Variants in BICRA observed in about 807,000 individuals in gnomAD.
The protein encoded by BICRA is BRD4-interacting chromatin-remodeling complex-associated protein.
Under a neutral mutation model 96.9 loss-of-function variants are expected in BICRA, and 31 were observed. That is an observed-to-expected ratio of 0.32 (90% CI 0.24 to 0.43). BICRA has a LOEUF of 0.43. Among genes scored for constraint, BICRA ranks in the 20% least tolerant of loss-of-function variants. BICRA has a pLI of 1.00. For missense variants in BICRA, 2,283 were observed against 2,190.3 expected (o/e 1.04, Z -0.84); for synonymous variants, 1,350 against 1,071.8 (o/e 1.26, Z -5.07).
intron 1 of BICRA, among the ~76,000 whole-genome samples, chr19:47,620,959 T>G (rs1972057032): frequency 6.6e-6 from 1 of 152,130 alleles, no homozygotes; most frequent in Non-Finnish European, 1.5e-5. Context: ...GATCTCTGTC[T>G]ACGGCCATTG....
rs540732449 is a variant in BICRA, at chr19:47,702,409, C to A, written c.4677C>A (p.Thr1559=). Residue 1559 remains threonine (T), a synonymous_variant, in exon 15 of 15, where the codon ACC becomes ACA. Coordinates refer to ENST00000594866, the MANE Select transcript of BICRA (RefSeq NM_001394372.1). ...GTGGCCTCGGCGCCAGGACGTTGACCAGATAACACCGGGCCGCCTCCCCTT... is the reference window on the plus strand; with the variant it reads ...GTGGCCTCGGCGCCAGGACGTTGACAAGATAACACCGGGCCGCCTCCCCTT... ...HNGGLGARTL[T]R 3 of 1,500,822 alleles carry A rather than the reference C, an allele frequency of 2.0e-6. No individual in the cohort carries two copies. Among genetic ancestry groups the A allele is most frequent in the Non-Finnish European group, 2.6e-6 (3 of 1,140,456 alleles). The allele number at this position is 1,500,822 out of a possible 1,614,324, so 93.0% of individuals were successfully genotyped here. A position where few individuals can be genotyped will look rare whatever the true frequency, so the allele number is the denominator to read the frequency against.
intron 1 of BICRA, among the ~76,000 whole-genome samples, chr19:47,642,594 C>T (rs1012456787): frequency 1.3e-5 from 2 of 151,836 alleles, no homozygotes; most frequent in Admixed American, 1.3e-4. Flanking sequence ...CCCAGCTACT[C>T]GGGAAGCTGA....
At position 47,696,501 on chromosome 19, in the gene BICRA, C is replaced by T. The variant is rs1202816289; in HGVS notation, c.3237C>T (p.Ser1079=). The T allele has an allele frequency of 3.7e-6, 6 of 1,603,958 alleles. No individual in the cohort carries two copies. Among genetic ancestry groups the T allele is most frequent in the South Asian group, 1.1e-5 (1 of 88,970 alleles). ...AGAAGCCCCCCACGCTTCAGCCCAG[C>T]AAGGAAGCCTGGTGAGTCCACACCC... ...GLKKPPTLQP[S]KEACFLEHLH... Residue 1079 remains serine, a synonymous_variant, in exon 11 of 15, where the codon AGC becomes AGT. Transcript: ENST00000594866.
Position 47,698,723 on chromosome 19 carries a change from G to A in BICRA, c.3338G>A (p.Arg1113His), listed in dbSNP as rs948803499. ...AFPSFEDALH[R>H]LLPYHVYQGA... is the part of the protein sequence containing the mutation. ...CCCTCCTTTGAGGACGCCCTGCATCGCCTCCTGCCCTACCATGTCTACCAG... is the reference window on the plus strand; with the variant it reads ...CCCTCCTTTGAGGACGCCCTGCATCACCTCCTGCCCTACCATGTCTACCAG... The change falls in exon 12 of 15, where the codon CGC becomes CAC. Residue 1113 changes from arginine (R) to histidine (H), a missense_variant. Transcript: ENST00000594866. This position sits in a 1 kb window ranked among gnomAD's most constrained non-coding sequence, Gnocchi z 4.8. 1 of 1,608,446 alleles carries A rather than the reference G, an allele frequency of 6.2e-7. No homozygotes were observed. The highest frequency in any genetic ancestry group is 1.7e-5 in the Admixed American group (1 of 59,954).
rs1973473119 is a variant in BICRA, at chr19:47,702,283, G to T, written c.4551G>T (p.Arg1517=). ...SILNLQQAPG[R]TPAPSYPHAA... The stretch of plus-strand genomic sequence containing the variant: ...TGAACCTGCAGCAGGCCCCCGGCCG[G>T]ACGCCCGCGCCCTCGTACCCCCACG... The change falls in exon 15 of 15, where the codon CGG becomes CGT. Residue 1517 remains arginine, a synonymous_variant. Transcript: ENST00000594866. 3.8e-6 allele frequency: 6 copies of T among 1,594,300 alleles called. No homozygotes were observed. Among genetic ancestry groups the T allele is most frequent in the African/African-American group, 1.4e-5 (1 of 74,004 alleles).
chr19:47,644,197 CT>C (rs1002764688), intron 1 of BICRA, among the ~76,000 whole-genome samples: 93 of 144,542 alleles, frequency 6.4e-4, no homozygotes, highest in Non-Finnish European at 7.5e-4. Context: ...ATTTCTTCTT[CT>C]TTTTTTTTTT....
intron 1 of BICRA, among the ~76,000 whole-genome samples, chr19:47,635,251 T>G (rs1363145753): frequency 1.4e-5 from 2 of 147,428 alleles, no homozygotes. Context: ...TTTCTAGGAT[T>G]TTTTTTTTTT....
In BICRA at chr19:47,685,611, G is replaced by A. The variant is rs576676435; in HGVS notation, c.2283+3459G>A. Among the ~76,000 whole-genome samples, 15 of 152,258 alleles carry A rather than the reference G, an allele frequency of 9.9e-5. No homozygotes were observed. In the South Asian group the frequency reaches 1.9e-3, roughly 19 times the overall value. On this transcript the variant is annotated intron_variant, in intron 7 of 14. Transcript: ENST00000594866. Reference sequence around the variant, plus strand: ...ATCCTGTGGATATGCAGGAATGCACGGAATAGCAGTTCCCAATCTGGGTGA... The same window carrying A: ...ATCCTGTGGATATGCAGGAATGCACAGAATAGCAGTTCCCAATCTGGGTGA...
chr19:47,702,735 G>A lies in BICRA; in HGVS notation c.*320G>A, dbSNP rs185105844. 33 of 380,008 alleles carry A rather than the reference G, an allele frequency of 8.7e-5. No homozygotes were observed. The highest frequency in any genetic ancestry group is 6.9e-4 in the Middle Eastern group (1 of 1,450). 23.5% of individuals were successfully genotyped at this position (380,008 alleles called of 1,614,324 possible). A position where few individuals can be genotyped will look rare whatever the true frequency, so the allele number is the denominator to read the frequency against. On this transcript the variant is annotated 3_prime_UTR_variant, in exon 15 of 15. Coordinates refer to ENST00000594866, the MANE Select transcript of BICRA (RefSeq NM_001394372.1). ...GTCCGGGGGACACGCGCATGTGTTT[G>A]CCAGGGATGGGGCCACCGGGTTGAT...
At chr19:47,651,988 G>A (rs186776698) in intron 1 of BICRA, among the ~76,000 whole-genome samples, 150 of 152,322 alleles carry the variant, frequency 9.8e-4, no homozygotes, top group Non-Finnish European at 1.5e-4. Flanking sequence ...ATCTGAAGGT[G>A]TTTGCTGTAA....
intron 1 of BICRA, among the ~76,000 whole-genome samples, chr19:47,634,499 G>A (rs779803914): frequency 6.6e-6 from 1 of 152,108 alleles, no homozygotes; most frequent in Non-Finnish European, 1.5e-5. Context: ...TCACTGGCAC[G>A]CTGTCTGCAG....
In BICRA at chr19:47,699,185, G is replaced by A; in HGVS notation, c.3493-118G>A. 1.1e-6 allele frequency: 1 copy of A among 893,798 alleles called. No homozygotes were observed. The highest frequency in any genetic ancestry group is 2.6e-5 in the East Asian group (1 of 37,898). The allele number at this position is 893,798 out of a possible 1,614,324, so 55.4% of individuals were successfully genotyped here. A position where few individuals can be genotyped will look rare whatever the true frequency, so the allele number is the denominator to read the frequency against. On this transcript the variant is annotated intron_variant, in intron 13 of 14. Transcript: ENST00000594866. The surrounding 1 kb of genome is among the most constrained non-coding windows in gnomAD (Gnocchi z 5.0). ...CTAGCCCCGGGAGGGAGGTTGGGAGGGAGGCGGGAGCTCCCATCACAAGGA... is the reference window on the plus strand; with the variant it reads ...CTAGCCCCGGGAGGGAGGTTGGGAGAGAGGCGGGAGCTCCCATCACAAGGA...
intron 1 of BICRA, among the ~76,000 whole-genome samples, chr19:47,658,662 AGCTTCT>A (rs1972658013): frequency 6.7e-6 from 1 of 149,620 alleles, no homozygotes; most frequent in Non-Finnish European, 1.5e-5. Flanking sequence ...AAGCAGCAGC[AGCTTCT>A]AGAACAGTGG....
chr19:47,671,175 C>T (rs991197616), intron 2 of BICRA, among the ~76,000 whole-genome samples: 3 of 152,204 alleles, frequency 2.0e-5, no homozygotes, highest in Non-Finnish European at 2.9e-5. Flanking sequence ...ATGCCCCAGC[C>T]CACTGTGGGG....
In BICRA at chr19:47,675,573, C is replaced by G. The variant is rs541691833; in HGVS notation, c.85-278C>G. Among the ~76,000 whole-genome samples, 1 of 152,226 alleles carries G rather than the reference C, an allele frequency of 6.6e-6. No individual in the cohort carries two copies. Among genetic ancestry groups the G allele is most frequent in the South Asian group, 2.1e-4 (1 of 4,824 alleles). Reference sequence around the variant, plus strand: ...TGGCAGGGCGCAGCTTGGGCAGAGGCGTGAAGGCAGGATTCCGGAATTCGA... The same window carrying G: ...TGGCAGGGCGCAGCTTGGGCAGAGGGGTGAAGGCAGGATTCCGGAATTCGA... On this transcript the variant is annotated intron_variant, in intron 4 of 14. Coordinates refer to ENST00000594866, the MANE Select transcript of BICRA (RefSeq NM_001394372.1). This position sits in a 1 kb window ranked among gnomAD's most constrained non-coding sequence, Gnocchi z 4.7.
At chr19:47,683,020 G>T (rs928357173) in intron 7 of BICRA, among the ~76,000 whole-genome samples, 5 of 152,172 alleles carry the variant, frequency 3.3e-5, no homozygotes, top group African/African-American at 1.2e-4. Context: ...CTGTGTGGGT[G>T]TGCGGATATT....
At chr19:47,642,577 C>T (rs1310484618) in intron 1 of BICRA, among the ~76,000 whole-genome samples, 1 of 152,100 alleles carries the variant, frequency 6.6e-6, no homozygotes, top group East Asian at 1.9e-4. Context: ...TGGCACGCGC[C>T]TGTAGTCCCA....
At chr19:47,608,967 C>T (rs1971851442), upstream of BICRA, among the ~76,000 whole-genome samples, 1 of 143,848 alleles carries the variant, frequency 7.0e-6, no homozygotes, top group Non-Finnish European at 1.5e-5. Flanking sequence ...GAGGGGCGCT[C>T]CCCGGAACGG....
intron 1 of BICRA, among the ~76,000 whole-genome samples, chr19:47,637,494 A>C (rs1347679558): frequency 6.6e-6 from 1 of 152,162 alleles, no homozygotes; most frequent in Non-Finnish European, 1.5e-5. Context: ...AGCTCACTAC[A>C]ACCTCTGCCT....
Sources: gnomAD v4.1 joint callset for allele counts (sites outside exome capture counted in the v4.1 genomes callset) on GRCh38, gnomAD v4.1.1 for gene constraint, Gnocchi (gnomAD v3.1) non-coding constraint, MANE v1.5 for transcripts, NCBI Gene and HGNC (gene_info 2026-07-23, HGNC 2026-07-21) for gene names.